Variants in ZFHX2 observed in about 807,000 individuals in gnomAD.
The protein encoded by ZFHX2 is zinc finger homeobox protein 2.
A neutral mutation model predicts 164.8 loss-of-function variants in ZFHX2; 75 were observed. The observed-to-expected ratio is 0.46, with a 90% CI of 0.38 to 0.55. The LOEUF is 0.55. Among genes scored for constraint, ZFHX2 ranks in the 20% least tolerant of loss-of-function variants. ZFHX2 has a pLI of 0.00. For missense variants in ZFHX2, 2,933 were observed against 3,308.0 expected (o/e 0.89, Z 2.78); for synonymous variants, 1,217 against 1,351.4 (o/e 0.90, Z 2.18).
chr14:23,536,372 AG>A (rs2138809460), intron 1 of ZFHX2, among the ~76,000 whole-genome samples: 1 of 152,308 alleles, frequency 6.6e-6, no homozygotes, highest in African/African-American at 2.4e-5. Flanking sequence ...TGCCAGAGAT[AG>A]GGCATAATTG....
chr14:23,534,576 C>T lies in ZFHX2; in HGVS notation c.750G>A (p.Gln250=). 1 of 1,536,178 alleles carries T rather than the reference C, an allele frequency of 6.5e-7. No homozygotes were observed. Among genetic ancestry groups the T allele is most frequent in the Non-Finnish European group, 8.7e-7 (1 of 1,146,926 alleles). Residue 250 remains glutamine (Q), a synonymous_variant, in exon 2 of 10, where the codon CAG becomes CAA. Transcript: ENST00000419474. This position sits in a 1 kb window ranked among gnomAD's most constrained non-coding sequence, Gnocchi z 4.5. ...GAGACTGTGTGTGATCCATAAAGGCCTGGGGCTTGCTGAAACCCAGGCGGC... is the reference window on the plus strand; with the variant it reads ...GAGACTGTGTGTGATCCATAAAGGCTTGGGGCTTGCTGAAACCCAGGCGGC... ...LLCRLGFSKP[Q]AFMDHTQSHG... is the part of the protein sequence containing the mutation.
At chr14:23,527,004 C>T in intron 7 of ZFHX2, 31 bp from the exon 8 acceptor site, 1 of 1,474,686 alleles carries the variant, frequency 6.8e-7, no homozygotes, top group South Asian at 1.4e-5. Flanking sequence ...GTGGCTTCAC[C>T]ACCACCCCCC....
rs1160699109 is a variant in ZFHX2 at position 23,535,350 on chromosome 14, T to C, written c.-25A>G. 5 of 1,441,320 alleles carry C rather than the reference T, an allele frequency of 3.5e-6. No individual in the cohort carries two copies. Among genetic ancestry groups the C allele is most frequent in the Non-Finnish European group, 4.5e-6 (5 of 1,099,618 alleles). The allele number at this position is 1,441,320 out of a possible 1,614,324, so 89.3% of individuals were successfully genotyped here. ...TGGTAGACGGAGGAGTGCTGGGGGC[T>C]CATGTCAGCGTGACAGCCAGTACCC... On this transcript the variant is annotated 5_prime_UTR_variant, in exon 2 of 10. Coordinates refer to ENST00000419474, the MANE Select transcript of ZFHX2 (RefSeq NM_033400.3). This position sits in a 1 kb window ranked among gnomAD's most constrained non-coding sequence, Gnocchi z 4.5.
rs1386663230 is a variant in ZFHX2, at chr14:23,534,218, C to A, written c.1108G>T (p.Ala370Ser). The A allele has an allele frequency of 6.6e-7, 1 of 1,505,696 alleles. No individual in the cohort carries two copies. Among genetic ancestry groups the A allele is most frequent in the East Asian group, 2.5e-5 (1 of 40,656 alleles). The allele number at this position is 1,505,696 out of a possible 1,614,324, so 93.3% of individuals were successfully genotyped here. A position where few individuals can be genotyped will look rare whatever the true frequency, so the allele number is the denominator to read the frequency against. ...AKESPVAAGE[A>S]GPDWFPEGQE... is the part of the protein sequence containing the mutation. ...CCCTCAGGGAACCAATCTGGCCCTG[C>A]CTCGCCTGCTGCTACTGGCGATTCT... Residue 370 changes from alanine to serine, a missense_variant, in exon 2 of 10, where the codon GCA becomes TCA. Physicochemically the swap from Ala to Ser is moderately conservative, Grantham distance 99 (BLOSUM62 1). Transcript: ENST00000419474. This position sits in a 1 kb window ranked among gnomAD's most constrained non-coding sequence, Gnocchi z 4.5.
chr14:23,524,035 G>A lies in ZFHX2; in HGVS notation c.5907C>T (p.Pro1969=), dbSNP rs746754934. Residue 1969 remains proline, a synonymous_variant, in exon 9 of 10, where the codon CCC becomes CCT. Transcript: ENST00000419474. The surrounding 1 kb of genome is among the most constrained non-coding windows in gnomAD (Gnocchi z 5.6). Reference sequence around the variant, plus strand: ...GGGGCCCAGAAGCAAGCGTGGCAGTGGGGTAGGGAAAAGCAGGTGCTTCCC... The same window carrying A: ...GGGGCCCAGAAGCAAGCGTGGCAGTAGGGTAGGGAAAAGCAGGTGCTTCCC... ...PKREAPAFPY[P]TATLASGPQP... is the part of the protein sequence containing the mutation. 1 of 1,513,764 alleles carries A rather than the reference G, an allele frequency of 6.6e-7. No individual in the cohort carries two copies. Among genetic ancestry groups the A allele is most frequent in the East Asian group, 2.5e-5 (1 of 40,682 alleles). 93.8% of individuals were successfully genotyped at this position (1,513,764 alleles called of 1,614,324 possible). A position where few individuals can be genotyped will look rare whatever the true frequency, so the allele number is the denominator to read the frequency against.
intron 9 of ZFHX2, 48 bp from the exon 10 acceptor site, chr14:23,522,989 T>C: frequency 7.0e-7 from 1 of 1,424,300 alleles, no homozygotes; most frequent in Non-Finnish European, 9.1e-7. Context: ...TCCTGTCCCA[T>C]CATTCTTCCT....
At position 23,535,670 on chromosome 14, in the gene ZFHX2, G is replaced by T. The variant is rs977383710; in HGVS notation, c.-49-296C>A. 2.0e-5 allele frequency among the ~76,000 whole-genome samples: 3 copies of T among 151,802 alleles called. No individual in the cohort carries two copies. Among genetic ancestry groups the T allele is most frequent in the Non-Finnish European group, 2.9e-5 (2 of 67,988 alleles). On this transcript the variant is annotated intron_variant, in intron 1 of 9. Transcript: ENST00000419474. This position sits in a 1 kb window ranked among gnomAD's most constrained non-coding sequence, Gnocchi z 4.5. ...TGCAATGGCGTGATCTCGGCTCACC[G>T]CAACCTCCACCTCCTGGGTTCAAGT...
chr14:23,552,847 C>T (rs1882078458), upstream of ZFHX2, among the ~76,000 whole-genome samples: 2 of 152,162 alleles, frequency 1.3e-5, no homozygotes, highest in Admixed American at 6.5e-5. Flanking sequence ...GGTGATCCAC[C>T]GGCCTCAGCC....
chr14:23,528,702 C>T (rs1879110716), intron 6 of ZFHX2: 1 of 985,230 alleles, frequency 1.0e-6, no homozygotes, highest in Non-Finnish European at 1.2e-6. Context: ...TTTCTTTTTC[C>T]TTCTTCTTTT....
In ZFHX2 at chr14:23,521,991, T is replaced by C. The variant is rs1238533410; in HGVS notation, c.7690A>G (p.Thr2564Ala). ...LPHTDSNPKT[T>A]TTSTLLAL ...AAAGCTAGAAGTGTAGAGGTAGTCG[T>C]AGTTTTTGGGTTGGAGTCCGTGTGA... Residue 2564 changes from threonine to alanine, a missense_variant, in exon 10 of 10, where the codon ACG (threonine) becomes GCG (alanine). By Grantham distance (58) the Thr-to-Ala change is moderately conservative. Transcript: ENST00000419474. 5 of 1,536,234 alleles carry C rather than the reference T, an allele frequency of 3.3e-6. No individual in the cohort carries two copies. Among genetic ancestry groups the C allele is most frequent in the African/African-American group, 1.4e-5 (1 of 73,044 alleles).
In ZFHX2 at chr14:23,546,700, G is replaced by A. The variant is rs1881422670; in HGVS notation, c.-50+4643C>T. Among the ~76,000 whole-genome samples, 1 of 152,194 alleles carries A rather than the reference G, an allele frequency of 6.6e-6. No homozygotes were observed. Among genetic ancestry groups the A allele is most frequent in the East Asian group, 1.9e-4 (1 of 5,196 alleles). ...GGAAAGTGGGTGGTGGGCTGACCGA[G>A]CTTAGTGTGAGGAGCTCGAGAAGAA... is the stretch of plus-strand genomic sequence containing the variant. On this transcript the variant is annotated intron_variant, in intron 1 of 9. Coordinates refer to ENST00000419474, the MANE Select transcript of ZFHX2 (RefSeq NM_033400.3). The surrounding 1 kb of genome is among the most constrained non-coding windows in gnomAD (Gnocchi z 4.7).
Position 23,531,537 on chromosome 14 carries a change from C to G in ZFHX2, c.2744G>C (p.Gly915Ala), listed in dbSNP as rs1023544314. 4.6e-6 allele frequency: 7 copies of G among 1,515,922 alleles called. No homozygotes were observed. The highest frequency in any genetic ancestry group is 6.2e-6 in the Non-Finnish European group (7 of 1,134,356). 93.9% of individuals were successfully genotyped at this position (1,515,922 alleles called of 1,614,324 possible). Residue 915 changes from glycine (G) to alanine (A), a missense_variant, in exon 4 of 10, where the codon GGA becomes GCA. Coordinates refer to ENST00000419474, the MANE Select transcript of ZFHX2 (RefSeq NM_033400.3). ...CAGGATGCTCTGAAGAGCTGCGAGT[C>G]CTTCCTCAGTGGTTGGGCCATTCTG... ...LLQNGPTTEE[G>A]LAALQSILSF...
rs971078622 is a variant in ZFHX2 at position 23,534,145 on chromosome 14, G to C, written c.1181C>G (p.Pro394Arg). Residue 394 changes from proline to arginine, a missense_variant, in exon 2 of 10, where the codon CCC (proline) becomes CGC (arginine). Coordinates refer to ENST00000419474, the MANE Select transcript of ZFHX2 (RefSeq NM_033400.3). The surrounding 1 kb of genome is among the most constrained non-coding windows in gnomAD (Gnocchi z 4.5). ...GAGAGTGCCCCCCTCCTTGGAGGTG[G>C]GTGAGCTTTGGTTGAGTGGGGGGCA... ...GLCPPLNQSS[P>R]TSKEGGTLPA... 7 of 1,473,402 alleles carry C rather than the reference G, an allele frequency of 4.8e-6. No homozygotes were observed. The highest frequency in any genetic ancestry group is 4.2e-5 in the African/African-American group (3 of 71,190). 91.3% of individuals were successfully genotyped at this position (1,473,402 alleles called of 1,614,324 possible). A position where few individuals can be genotyped will look rare whatever the true frequency, so the allele number is the denominator to read the frequency against.
At chr14:23,541,972 AAG>A (rs1409002975) in intron 1 of ZFHX2, among the ~76,000 whole-genome samples, 3 of 152,200 alleles carry the variant, frequency 2.0e-5, no homozygotes, top group African/African-American at 7.2e-5. Context: ...TTTTGTCCAA[AAG>A]AGAGAGAAAG....
At position 23,526,255 on chromosome 14, in the gene ZFHX2, A is replaced by G. The variant is rs2138692180; in HGVS notation, c.3687T>C (p.Pro1229=). Residue 1229 remains proline (P), a synonymous_variant, in exon 9 of 10, where the codon CCT becomes CCC. Coordinates refer to ENST00000419474, the MANE Select transcript of ZFHX2 (RefSeq NM_033400.3). ...MKKAAIDPSA[P]ARGEAGAPPT... ...GTGGGGCACCGGCCTCTCCCCGTGCAGGGGCAGAGGGGTCAATGGCAGCCT... is the reference window on the plus strand; with the variant it reads ...GTGGGGCACCGGCCTCTCCCCGTGCGGGGGCAGAGGGGTCAATGGCAGCCT... The G allele has an allele frequency of 2.0e-6, 3 of 1,536,360 alleles. No individual in the cohort carries two copies. Among genetic ancestry groups the G allele is most frequent in the Middle Eastern group, 1.7e-4 (1 of 5,990 alleles).
Position 23,531,466 on chromosome 14 carries a change from T to C in ZFHX2, c.2800+15A>G. The C allele has an allele frequency of 7.2e-7, 1 of 1,392,016 alleles. No individual in the cohort carries two copies. Among genetic ancestry groups the C allele is most frequent in the Non-Finnish European group, 9.4e-7 (1 of 1,067,302 alleles). The allele number at this position is 1,392,016 out of a possible 1,614,324, so 86.2% of individuals were successfully genotyped here. ...TCCCTGCCCAGCTCTTATTCTCCAG[T>C]CCCTTCTTCCTCACCGGGAGTCCGG... On this transcript the variant is annotated intron_variant, in intron 4 of 9. Coordinates refer to ENST00000419474, the MANE Select transcript of ZFHX2 (RefSeq NM_033400.3).
chr14:23,554,038 CAAAAAAAAAAAAAA>C (rs61363455), upstream of ZFHX2, among the ~76,000 whole-genome samples: 13 of 36,066 alleles, frequency 3.6e-4, 1 homozygote, highest in Admixed American at 3.5e-4. Context: ...GACTCTGTCT[CAAAAAAAAAAAAAA>C]AAAAAAAAAA....
chr14:23,524,691 T>C lies in ZFHX2; in HGVS notation c.5251A>G (p.Lys1751Glu). The change falls in exon 9 of 10, where the codon AAG becomes GAG. Residue 1751 changes from lysine (K) to glutamate (E), a missense_variant. Lys to Glu is a moderately conservative substitution (Grantham distance 56, BLOSUM62 1). Coordinates refer to ENST00000419474, the MANE Select transcript of ZFHX2 (RefSeq NM_033400.3). The surrounding 1 kb of genome is among the most constrained non-coding windows in gnomAD (Gnocchi z 5.6). ...TCTTCAGGCTCTTTGCCTCCTGCCT[T>C]TGTTGCCTCTGCTTGGCTCAGCTCC... ...GEELSQAEAT[K>E]AGGKEPEEKA... 1 of 1,536,220 alleles carries C rather than the reference T, an allele frequency of 6.5e-7. No homozygotes were observed. Among genetic ancestry groups the C allele is most frequent in the Non-Finnish European group, 8.7e-7 (1 of 1,146,902 alleles).
At chr14:23,530,028 A>T in intron 5 of ZFHX2, 92 bp downstream of exon 5, 1 of 1,291,470 alleles carries the variant, frequency 7.7e-7, no homozygotes, top group Non-Finnish European at 1.1e-6. Flanking sequence ...TTGCTCCTTG[A>T]GCACAGACAT....
Sources: gnomAD v4.1 joint callset for allele counts (sites outside exome capture counted in the v4.1 genomes callset) on GRCh38, gnomAD v4.1.1 for gene constraint, Gnocchi (gnomAD v3.1) non-coding constraint, MANE v1.5 for transcripts, NCBI Gene and HGNC (gene_info 2026-07-23, HGNC 2026-07-21) for gene names.